ARL3: variants seen among roughly 807,000 people sequenced by gnomAD.
ARL3 encodes the protein ADP-ribosylation factor-like protein 3.
Under a neutral mutation model 26.0 loss-of-function variants are expected in ARL3, and 9 were observed. The observed-to-expected ratio is 0.35, with a 90% CI of 0.21 to 0.60. ARL3 has a LOEUF of 0.60. Among genes scored for constraint, ARL3 ranks in the 20% least tolerant of loss-of-function variants. The pLI, the probability that ARL3 is intolerant of heterozygous loss-of-function variation, is 0.78. For missense variants in ARL3, 158 were observed against 215.7 expected, an observed-to-expected ratio of 0.73 and a Z score of 1.67; for synonymous variants, 71 against 78.4, an observed-to-expected ratio of 0.91 and a Z score of 0.50.
rs557417409 is a variant in ARL3, at chr10:102,674,945, A to G, written c.*1949T>C. Reference sequence around the variant, plus strand: ...ACAAAAATATTTTACAGACCCTCCAATGCCAAAGTTCCATACTGCAGTGTT... The same window carrying G: ...ACAAAAATATTTTACAGACCCTCCAGTGCCAAAGTTCCATACTGCAGTGTT... On this transcript the variant is annotated 3_prime_UTR_variant, in exon 6 of 6. Transcript: ENST00000260746. The G allele has an allele frequency of 1.3e-5, 2 of 152,344 alleles. No individual in the cohort carries two copies. The highest frequency in any genetic ancestry group is 2.9e-5 in the Non-Finnish European group (2 of 68,040). 9.4% of individuals were successfully genotyped at this position (152,344 alleles called of 1,614,324 possible).
intron 1 of ARL3, among the ~76,000 whole-genome samples, chr10:102,706,307 C>T (rs1410065354): frequency 1.3e-5 from 2 of 151,934 alleles, no homozygotes; most frequent in African/African-American, 4.8e-5. Flanking sequence ...AAAAATTAGT[C>T]GGGCGTGGTG....
At chr10:102,696,677 A>G (rs546882808) in intron 3 of ARL3, among the ~76,000 whole-genome samples, 1 of 152,358 alleles carries the variant, frequency 6.6e-6, no homozygotes, top group South Asian at 2.1e-4. Context: ...GAATCTGCTG[A>G]TAGATCAGAT....
chr10:102,683,301 CCTT>C (rs938770091), intron 5 of ARL3, among the ~76,000 whole-genome samples: 1 of 152,070 alleles, frequency 6.6e-6, no homozygotes, highest in Non-Finnish European at 1.5e-5. Context: ...CAGCAGATTC[CCTT>C]CTTAATTAAC....
intron 1 of ARL3, among the ~76,000 whole-genome samples, chr10:102,708,908 A>ATATTTTTTTTTTTTTT: frequency 3.1e-5 from 3 of 95,348 alleles, no homozygotes; most frequent in African/African-American, 1.3e-4. Context: ...ATATATATAT[A>ATATTTTTTTTTTTTTT]TTTTTTTTTT....
intron 2 of ARL3, among the ~76,000 whole-genome samples, chr10:102,703,224 C>G (rs12769291): frequency 0.32 from 47,780 of 147,186 alleles, 8,062 homozygotes; most frequent in African/African-American, 0.38. Context: ...CAAGTTCAAG[C>G]CATTCTCCTG....
chr10:102,695,195 C>T (rs974510690), intron 3 of ARL3, among the ~76,000 whole-genome samples: 1 of 152,138 alleles, frequency 6.6e-6, no homozygotes, highest in Non-Finnish European at 1.5e-5. Context: ...GATTGGGATT[C>T]TATTAAATCT....
rs1378988991 is a variant in ARL3, at chr10:102,676,731, C to G, written c.*163G>C. ...ACTGAACCTCAGAGATCAGTTAAAT[C>G]TACTGCTGGAATGGGGATTCTTTCT... is the stretch of plus-strand genomic sequence containing the variant. On this transcript the variant is annotated 3_prime_UTR_variant, in exon 6 of 6. Transcript: ENST00000260746. The G allele has an allele frequency of 1.5e-6, 1 of 674,164 alleles. No homozygotes were observed. The highest frequency in any genetic ancestry group is 2.6e-6 in the Non-Finnish European group (1 of 385,924). The allele number at this position is 674,164 out of a possible 1,614,324, so 41.8% of individuals were successfully genotyped here. A position where few individuals can be genotyped will look rare whatever the true frequency, so the allele number is the denominator to read the frequency against.
intron 2 of ARL3, among the ~76,000 whole-genome samples, chr10:102,700,344 G>A (rs2064272897): frequency 6.8e-6 from 1 of 147,570 alleles, no homozygotes. Flanking sequence ...TGGAGGCAGA[G>A]GTTGCAGTGA....
At chr10:102,683,093 T>C (rs1192305530) in intron 5 of ARL3, among the ~76,000 whole-genome samples, 1 of 152,180 alleles carries the variant, frequency 6.6e-6, no homozygotes, top group Non-Finnish European at 1.5e-5. Flanking sequence ...AACTAAGCAA[T>C]GCTGGAAAGG....
At chr10:102,689,860 A>ATC (rs1564730411) in intron 4 of ARL3, 33 bp downstream of exon 4, 1 of 1,409,916 alleles carries the variant, frequency 7.1e-7, no homozygotes, top group South Asian at 1.2e-5. Context: ...ATATATATAT[A>ATC]TAAGAACTTT....
In ARL3 at chr10:102,676,262, CTT is replaced by C. The variant is rs35266514; in HGVS notation, c.*630_*631del. On this transcript the variant is annotated 3_prime_UTR_variant, in exon 6 of 6. Coordinates refer to ENST00000260746, the MANE Select transcript of ARL3 (RefSeq NM_004311.4). ...TGTAGTGACTTGTCTGCAAGAAAGA[CTT>C]TTTTTTTTTTTTCTGTCCAAAGAGT... 5.8e-3 allele frequency: 813 copies of C among 138,976 alleles called. 3 individuals are homozygous for C. The highest frequency in any genetic ancestry group is 0.015 in the African/African-American group (540 of 36,804). 8.6% of individuals were successfully genotyped at this position (138,976 alleles called of 1,614,324 possible).
chr10:102,690,433 G>A (rs906809570), intron 3 of ARL3, among the ~76,000 whole-genome samples: 3 of 151,166 alleles, frequency 2.0e-5, no homozygotes, highest in Non-Finnish European at 4.4e-5. Flanking sequence ...ACAGGCACAC[G>A]CCACCATGCC....
At chr10:102,704,456 T>C (rs1460246480) in intron 2 of ARL3, among the ~76,000 whole-genome samples, 1 of 152,006 alleles carries the variant, frequency 6.6e-6, no homozygotes, top group Non-Finnish European at 1.5e-5. Flanking sequence ...CTGGCCAACA[T>C]GGCAAAACCC....
At chr10:102,682,785 C>A (rs1777439239) in intron 5 of ARL3, among the ~76,000 whole-genome samples, 1 of 152,170 alleles carries the variant, frequency 6.6e-6, no homozygotes, top group African/African-American at 2.4e-5. Flanking sequence ...AACAGAAATT[C>A]CAGGTCCTTT....
chr10:102,705,251 G>A (rs1423227157), intron 2 of ARL3, 95 bp downstream of exon 2: 2 of 1,381,928 alleles, frequency 1.4e-6, no homozygotes, highest in Non-Finnish European at 1.9e-6. Context: ...GACAAAACTT[G>A]GAAGTGGACA....
At chr10:102,688,282 A>C (rs890170852) in intron 4 of ARL3, among the ~76,000 whole-genome samples, 1 of 152,228 alleles carries the variant, frequency 6.6e-6, no homozygotes, top group African/African-American at 2.4e-5. Context: ...AGATGACTAC[A>C]TAGGACCCCC....
At position 102,714,381 on chromosome 10, in the gene ARL3, G is replaced by A. The variant is rs955134330; in HGVS notation, c.-106C>T. On this transcript the variant is annotated 5_prime_UTR_variant, in exon 1 of 6. Transcript: ENST00000260746. ...GACGTCCCTCGCACGCACAGCTGAG[G>A]AGCTGAGCAGCAATACGGGGCGGGG... 6.9e-6 allele frequency: 8 copies of A among 1,162,334 alleles called. No individual in the cohort carries two copies. The South Asian group carries it at 2.5e-4, about 36-fold the overall frequency. 72.0% of individuals were successfully genotyped at this position (1,162,334 alleles called of 1,614,324 possible). A position where few individuals can be genotyped will look rare whatever the true frequency, so the allele number is the denominator to read the frequency against.
At chr10:102,693,692 TGA>T (rs779042755) in intron 3 of ARL3, among the ~76,000 whole-genome samples, 4 of 152,198 alleles carry the variant, frequency 2.6e-5, no homozygotes, top group Non-Finnish European at 5.9e-5. Context: ...TTTATTTTTT[TGA>T]GATAGAGTCT....
chr10:102,684,485 A>G (rs1281402543), intron 5 of ARL3, among the ~76,000 whole-genome samples: 1 of 152,018 alleles, frequency 6.6e-6, no homozygotes, highest in African/African-American at 2.4e-5. Flanking sequence ...TAAACCTTTT[A>G]GACAGGCTCA....
Sources: allele counts gnomAD v4.1 joint callset (sites outside exome capture counted in the v4.1 genomes callset), GRCh38; gene constraint gnomAD v4.1.1; transcripts MANE v1.5; gene names NCBI Gene and HGNC (gene_info 2026-07-23, HGNC 2026-07-21).